Variants in UGT1A8 observed in about 807,000 individuals in gnomAD.
UGT1A8 encodes UDP glucuronosyltransferase family 1 member A8, also known as UDP-glucuronosyltransferase 1A8.
Under a neutral mutation model 45.3 loss-of-function variants are expected in UGT1A8, and 39 were observed. That is an observed-to-expected ratio of 0.86 (90% CI 0.67 to 1.12). The LOEUF (loss-of-function observed/expected upper bound fraction) is 1.12. UGT1A8 is among the 50% of genes most tolerant of loss of function. UGT1A8 has a pLI of 0.00. For missense variants in UGT1A8, 719 were observed against 664.9 expected (o/e 1.08, Z -0.90); for synonymous variants, 275 against 249.2 (o/e 1.10, Z -0.97).
intron 1 of UGT1A8, chr2:233,743,644 G>T (rs1317452521): frequency 1.5e-6 from 2 of 1,367,194 alleles, no homozygotes; most frequent in East Asian, 9.1e-5. Flanking sequence ...CGCGGAAGCT[G>T]AAGACGTACT....
chr2:233,718,785 G>C (rs544842461), intron 1 of UGT1A8: 6 of 1,613,086 alleles, frequency 3.7e-6, no homozygotes, highest in Admixed American at 1.7e-5. Context: ...GGCACAGCGT[G>C]GGGTGGACAG....
intron 1 of UGT1A8, chr2:233,672,761 A>G (rs1161728705): frequency 2.5e-6 from 4 of 1,613,748 alleles, no homozygotes; most frequent in Admixed American, 1.7e-5. Flanking sequence ...GGTGGTATCA[A>G]CTGCCATCAG....
chr2:233,664,451 G>T (rs560422900), intron 1 of UGT1A8, among the ~76,000 whole-genome samples: 25 of 152,230 alleles, frequency 1.6e-4, no homozygotes, highest in African/African-American at 6.0e-4. Context: ...CCTGAGACTG[G>T]GTAATTTATA....
intron 1 of UGT1A8, among the ~76,000 whole-genome samples, chr2:233,676,736 C>A (rs2074369528): frequency 6.6e-6 from 1 of 152,132 alleles, no homozygotes; most frequent in African/African-American, 2.4e-5. Flanking sequence ...CTGATGTTTT[C>A]ATCGTGGTAA....
At chr2:233,743,465 C>G in intron 1 of UGT1A8, 1 of 1,366,596 alleles carries the variant, frequency 7.3e-7, no homozygotes, top group Non-Finnish European at 9.8e-7. Flanking sequence ...AAAACACCCC[C>G]AAAAGCTGGA....
chr2:233,747,935 G>A lies in UGT1A8; in HGVS notation c.856-19099G>A, dbSNP rs926713638. On this transcript the variant is annotated intron_variant, in intron 1 of 4. Transcript: ENST00000373450. The stretch of plus-strand genomic sequence containing the variant: ...GCCTTGCCTCTGAGCTTTTTCAGAG[G>A]GAGGTGTCAGTGGTGGATCTTCTCA... 5.5e-5 allele frequency: 89 copies of A among 1,613,314 alleles called. No individual in the cohort carries two copies. In the Admixed American group the frequency reaches 6.2e-4, roughly 11 times the overall value.
At chr2:233,709,276 T>A (rs912959926) in intron 1 of UGT1A8, among the ~76,000 whole-genome samples, 1 of 152,202 alleles carries the variant, frequency 6.6e-6, no homozygotes, top group African/African-American at 2.4e-5. Flanking sequence ...ACGCTGTGAA[T>A]TACCCTTCAA....
chr2:233,714,943 C>T (rs2076424694), intron 1 of UGT1A8, among the ~76,000 whole-genome samples: 1 of 152,186 alleles, frequency 6.6e-6, no homozygotes, highest in Non-Finnish European at 1.5e-5. Context: ...GTGGTGGGAT[C>T]TTGGCTCATT....
chr2:233,648,481 G>A (rs1383776556), intron 1 of UGT1A8: 1 of 158,034 alleles, frequency 6.3e-6, no homozygotes. Flanking sequence ...TTATTTTTGA[G>A]ACGGAGTCTT....
At chr2:233,732,144 T>G (rs1266752790) in intron 1 of UGT1A8, among the ~76,000 whole-genome samples, 4 of 152,136 alleles carry the variant, frequency 2.6e-5, no homozygotes, top group Admixed American at 2.0e-4. Context: ...TTGTTTGTTT[T>G]TTTTCTTGTA....
At chr2:233,653,329 G>T (rs1245050773) in intron 1 of UGT1A8, among the ~76,000 whole-genome samples, 1 of 152,188 alleles carries the variant, frequency 6.6e-6, no homozygotes, top group Non-Finnish European at 1.5e-5. Context: ...ATCTTTGCAA[G>T]CGTAAACCCT....
At chr2:233,733,344 T>A (rs1194194853) in intron 1 of UGT1A8, among the ~76,000 whole-genome samples, 4 of 152,230 alleles carry the variant, frequency 2.6e-5, no homozygotes, top group African/African-American at 9.6e-5. Flanking sequence ...TCCAACAGTA[T>A]GTTGAGTAGG....
intron 1 of UGT1A8, among the ~76,000 whole-genome samples, chr2:233,758,755 T>C (rs1329338381): frequency 1.3e-5 from 2 of 152,208 alleles, no homozygotes; most frequent in African/African-American, 4.8e-5. Flanking sequence ...TGGCCAGTGA[T>C]GTGTATGGTT....
intron 1 of UGT1A8, among the ~76,000 whole-genome samples, chr2:233,741,230 C>T (rs1691594926): frequency 6.6e-6 from 1 of 151,876 alleles, no homozygotes; most frequent in Non-Finnish European, 1.5e-5. Flanking sequence ...AGACCCACTA[C>T]CTCTGAGTGA....
chr2:233,763,825 C>A (rs564952155), intron 1 of UGT1A8, among the ~76,000 whole-genome samples: 1 of 152,266 alleles, frequency 6.6e-6, no homozygotes, highest in South Asian at 2.1e-4. Context: ...GATGTTCCTC[C>A]CCTGCCAGGG....
intron 1 of UGT1A8, among the ~76,000 whole-genome samples, chr2:233,645,767 T>C (rs1331467174): frequency 6.6e-6 from 1 of 152,242 alleles, no homozygotes; most frequent in Non-Finnish European, 1.5e-5. Context: ...CCCTTCCAGC[T>C]GCTTTCACAG....
At chr2:233,735,488 T>C (rs1165192610) in intron 1 of UGT1A8, among the ~76,000 whole-genome samples, 1 of 152,208 alleles carries the variant, frequency 6.6e-6, no homozygotes, top group African/African-American at 2.4e-5. Flanking sequence ...TGTTTTTTAA[T>C]TGCAGCATTT....
At chr2:233,724,656 G>C (rs1447865795) in intron 1 of UGT1A8, among the ~76,000 whole-genome samples, 2 of 142,148 alleles carry the variant, frequency 1.4e-5, no homozygotes, top group African/African-American at 5.4e-5. Context: ...CTGGGAAGAG[G>C]CGCTCCTCAC....
At chr2:233,637,971 T>C (rs2073346009) in intron 1 of UGT1A8, among the ~76,000 whole-genome samples, 1 of 152,082 alleles carries the variant, frequency 6.6e-6, no homozygotes, top group South Asian at 2.1e-4. Context: ...TTAATATTGA[T>C]ATATATATAG....
Sources: allele counts gnomAD v4.1 joint callset (sites outside exome capture counted in the v4.1 genomes callset), GRCh38; gene constraint gnomAD v4.1.1; transcripts MANE v1.5; gene names NCBI Gene and HGNC (gene_info 2026-07-23, HGNC 2026-07-21).